The following IPO8 variants were observed in gnomAD, a reference collection of about 807,000 sequenced individuals.
IPO8 encodes the protein importin-8.
A neutral mutation model predicts 141.2 loss-of-function variants in IPO8; 65 were observed. That is an observed-to-expected ratio of 0.46 (90% CI 0.38 to 0.57). The LOEUF (loss-of-function observed/expected upper bound fraction) is 0.57. Among genes scored for constraint, IPO8 ranks in the 20% least tolerant of loss-of-function variants. The pLI, the probability that IPO8 is intolerant of heterozygous loss-of-function variation, is 0.00. For missense variants in IPO8, 980 were observed against 1,246.8 expected (o/e 0.79, Z 3.22); for synonymous variants, 411 against 420.3 (o/e 0.98, Z 0.27).
At chr12:30,676,031 A>AT in intron 6 of IPO8, among the ~76,000 whole-genome samples, 1 of 152,020 alleles carries the variant, frequency 6.6e-6, no homozygotes, top group Admixed American at 6.6e-5. Flanking sequence ...ACTACCAGTG[A>AT]TCCCCCCACC....
intron 17 of IPO8, 141 bp downstream of exon 17, chr12:30,656,543 G>A: frequency 2.0e-6 from 1 of 504,226 alleles, no homozygotes; most frequent in Non-Finnish European, 3.6e-6. Context: ...ACACTAGAAA[G>A]GACATCCAAA....
intron 13 of IPO8, among the ~76,000 whole-genome samples, chr12:30,664,227 A>G (rs1390036810): frequency 2.0e-5 from 3 of 152,362 alleles, no homozygotes; most frequent in South Asian, 2.1e-4. Context: ...ATCACAATTC[A>G]TATAACTTCT....
chr12:30,686,374 G>A (rs1432016495), intron 2 of IPO8: 3 of 152,258 alleles, frequency 2.0e-5, no homozygotes, highest in East Asian at 3.9e-4. Context: ...TTGAGACAGG[G>A]TCTCACTCTA....
At chr12:30,638,396 T>C (rs961959653) in intron 21 of IPO8, among the ~76,000 whole-genome samples, 2 of 152,178 alleles carry the variant, frequency 1.3e-5, no homozygotes, top group Non-Finnish European at 2.9e-5. Context: ...TGTAAATATG[T>C]TCCCCCATTC....
intron 20 of IPO8, among the ~76,000 whole-genome samples, chr12:30,644,172 G>A (rs953797430): frequency 1.1e-4 from 16 of 152,056 alleles, no homozygotes; most frequent in Admixed American, 2.6e-4. Context: ...GTTAGAGAGC[G>A]GCCAAAACCA....
At chr12:30,672,309 T>C (rs1258140118) in intron 8 of IPO8, among the ~76,000 whole-genome samples, 3 of 152,178 alleles carry the variant, frequency 2.0e-5, no homozygotes, top group Non-Finnish European at 4.4e-5. Context: ...TTTACCAAAT[T>C]TGTCGGAAGT....
At chr12:30,673,346 C>T (rs2053077282) in intron 8 of IPO8, among the ~76,000 whole-genome samples, 2 of 152,200 alleles carry the variant, frequency 1.3e-5, no homozygotes, top group African/African-American at 2.4e-5. Context: ...GGTCCTGACA[C>T]AGCCAGTGGT....
At chr12:30,690,349 A>C (rs188497942) in intron 2 of IPO8, 147 bp downstream of exon 2, 16 of 575,544 alleles carry the variant, frequency 2.8e-5, no homozygotes, top group East Asian at 2.4e-4. Flanking sequence ...GGGAAAAAGA[A>C]AGTGAGTTTT....
intron 2 of IPO8, among the ~76,000 whole-genome samples, chr12:30,686,857 G>A (rs7310127): frequency 0.23 from 34,732 of 151,534 alleles, 4,166 homozygotes; most frequent in Middle Eastern, 0.3. Context: ...TAAAAATTAT[G>A]GTGCATCAAA....
chr12:30,634,832 A>G (rs1193857708), intron 22 of IPO8, among the ~76,000 whole-genome samples: 1 of 152,138 alleles, frequency 6.6e-6, no homozygotes. Flanking sequence ...ATATATATCT[A>G]AAATATTTTA....
At chr12:30,652,819 T>C (rs1215268329) in intron 18 of IPO8, 148 bp downstream of exon 18, 4 of 721,448 alleles carry the variant, frequency 5.5e-6, no homozygotes, top group Non-Finnish European at 8.8e-6. Context: ...TGAAAAACAC[T>C]GCTACAATAG....
At chr12:30,694,143 T>C (rs2053316288) in intron 1 of IPO8, among the ~76,000 whole-genome samples, 1 of 152,166 alleles carries the variant, frequency 6.6e-6, no homozygotes, top group Non-Finnish European at 1.5e-5. Flanking sequence ...CCTGTTCATA[T>C]TAGTAGACTG....
chr12:30,674,356 T>C (rs1008266467), intron 7 of IPO8, among the ~76,000 whole-genome samples: 13 of 152,230 alleles, frequency 8.5e-5, no homozygotes, highest in Admixed American at 6.5e-4. Flanking sequence ...TAGATTTTTT[T>C]CAATAAATGC....
chr12:30,687,436 T>C (rs1367470659), intron 2 of IPO8, among the ~76,000 whole-genome samples: 1 of 151,908 alleles, frequency 6.6e-6, no homozygotes, highest in African/African-American at 2.4e-5. Flanking sequence ...ACTTAAGCTC[T>C]GGACCCAGAG....
chr12:30,634,036 A>G (rs770170958), intron 23 of IPO8, 47 bp downstream of exon 23: 25 of 1,516,180 alleles, frequency 1.6e-5, no homozygotes, highest in Admixed American at 3.5e-5. Context: ...ATGAAGAAAG[A>G]GTTTAGAAAA....
At chr12:30,675,554 G>A (rs903303258) in intron 6 of IPO8, among the ~76,000 whole-genome samples, 5 of 152,056 alleles carry the variant, frequency 3.3e-5, no homozygotes, top group East Asian at 3.9e-4. Flanking sequence ...TAGGCCAGGC[G>A]CGGTGGCTCA....
chr12:30,650,865 A>G (rs2136138505), intron 19 of IPO8, among the ~76,000 whole-genome samples: 2 of 152,170 alleles, frequency 1.3e-5, no homozygotes, highest in Middle Eastern at 6.8e-3. Flanking sequence ...TAGTGCAAGA[A>G]ACTATGTCTT....
chr12:30,642,395 T>A (rs1179228337), intron 20 of IPO8, among the ~76,000 whole-genome samples: 1 of 151,888 alleles, frequency 6.6e-6, no homozygotes, highest in East Asian at 1.9e-4. Context: ...ACACAATATA[T>A]CCATGTAACA....
chr12:30,660,931 ACAT>A (rs1565500715), intron 16 of IPO8, among the ~76,000 whole-genome samples: 3 of 149,042 alleles, frequency 2.0e-5, no homozygotes, highest in East Asian at 1.9e-4. Context: ...TATAATATTT[ACAT>A]TATAATATTA....
Sources: allele counts gnomAD v4.1 joint callset (sites outside exome capture counted in the v4.1 genomes callset), GRCh38; gene constraint gnomAD v4.1.1; transcripts MANE v1.5; gene names NCBI Gene and HGNC (gene_info 2026-07-23, HGNC 2026-07-21).